The following NOD1 variants were observed in gnomAD, a reference collection of about 807,000 sequenced individuals.
The protein encoded by NOD1 is nucleotide binding oligomerization domain containing 1.
Under a neutral mutation model 81.2 loss-of-function variants are expected in NOD1, and 70 were observed. That is an observed-to-expected ratio of 0.86 (90% CI 0.71 to 1.05). The LOEUF (loss-of-function observed/expected upper bound fraction) is 1.05, where lower values mean the gene tolerates loss of function less well. Ranked by LOEUF, NOD1 falls within the 50% of genes least tolerant of loss-of-function variation. The pLI is 0.00. For synonymous variants in NOD1, 508 were observed against 526.9 expected, an observed-to-expected ratio of 0.96 and a Z score of 0.49; for missense variants, 1,233 against 1,228.0, an observed-to-expected ratio of 1.00 and a Z score of -0.06.
rs533109827 is a variant in NOD1 at position 30,459,647 on chromosome 7, G to A, written c.-211+254C>T. On this transcript the variant is annotated intron_variant, in intron 2 of 13. Coordinates refer to ENST00000222823, the MANE Select transcript of NOD1 (RefSeq NM_006092.4). ...GTCCTGCTGCCTGGAAAGGCTCCAG[G>A]GTTGGGGCCTGTTTTCTCTCGGAAG... Among the ~76,000 whole-genome samples the A allele has an allele frequency of 3.9e-5, 6 of 152,322 alleles. No individual in the cohort carries two copies. The East Asian group carries it at 1.2e-3, about 29-fold the overall frequency.
At chr7:30,449,520 G>A (rs892895722) in intron 6 of NOD1, among the ~76,000 whole-genome samples, 4 of 152,076 alleles carry the variant, frequency 2.6e-5, no homozygotes, top group Admixed American at 6.6e-5. Flanking sequence ...CTAGAGTGTC[G>A]ACTAGATGGC....
chr7:30,454,771 T>C (rs1222843584), intron 5 of NOD1, among the ~76,000 whole-genome samples: 1 of 152,130 alleles, frequency 6.6e-6, no homozygotes, highest in African/African-American at 2.4e-5. Flanking sequence ...TAGCTGGAAC[T>C]ACAGGTGTGT....
At chr7:30,448,069 C>G (rs1482557313) in intron 7 of NOD1, 1 of 544,030 alleles carries the variant, frequency 1.8e-6, no homozygotes, top group Non-Finnish European at 3.3e-6. Context: ...TGTAAGCCTA[C>G]TTGCCTATAC....
chr7:30,437,613 C>A lies in NOD1; in HGVS notation c.2497G>T (p.Ala833Ser). 1 of 1,511,296 alleles carries A rather than the reference C, an allele frequency of 6.6e-7. No homozygotes were observed. The highest frequency in any genetic ancestry group is 8.8e-7 in the Non-Finnish European group (1 of 1,142,396). The allele number at this position is 1,511,296 out of a possible 1,614,324, so 93.6% of individuals were successfully genotyped here. ...CTGGGGTGGTTCCGCAGAGCCTCTG[C>A]GAAGGCTTTTGCTCCTTCATCCCCA... ...QVGDEGAKAF[A>S]EALRNHPSLT... is the part of the protein sequence containing the mutation. The change falls in exon 10 of 14, where the codon GCA becomes TCA. Residue 833 changes from alanine (A) to serine (S), a missense_variant. Physicochemically the swap from Ala to Ser is moderately conservative, Grantham distance 99 (BLOSUM62 1). Coordinates refer to ENST00000222823, the MANE Select transcript of NOD1 (RefSeq NM_006092.4).
rs370080093 is a variant in NOD1 at position 30,452,052 on chromosome 7, G to A, written c.1365C>T (p.Ala455=). The part of the protein sequence containing the change: ...NTRSPVETLH[A]GRDTLCSLGQ... The stretch of plus-strand genomic sequence containing the variant: ...CCAGCGAGCACAGAGTGTCCCGGCC[G>A]GCGTGGAGGGTCTCCACTGGGCTGC... The change falls in exon 6 of 14, where the codon GCC becomes GCT. Residue 455 remains alanine (A), a synonymous_variant. Coordinates refer to ENST00000222823, the MANE Select transcript of NOD1 (RefSeq NM_006092.4). The A allele has an allele frequency of 3.4e-5, 55 of 1,613,390 alleles. 1 individual carries two copies. Among genetic ancestry groups the A allele is most frequent in the Admixed American group, 3.0e-4 (18 of 60,012 alleles).
intron 1 of NOD1, among the ~76,000 whole-genome samples, chr7:30,477,370 T>C (rs1788888488): frequency 6.6e-6 from 1 of 152,210 alleles, no homozygotes; most frequent in Non-Finnish European, 1.5e-5. Flanking sequence ...GAACAGGGAA[T>C]CCACTCCTCT....
At chr7:30,472,088 T>C (rs1165514670) in intron 1 of NOD1, among the ~76,000 whole-genome samples, 2 of 152,240 alleles carry the variant, frequency 1.3e-5, no homozygotes, top group African/African-American at 4.8e-5. Context: ...TCTGAATAAA[T>C]AGAAGTGACT....
chr7:30,449,044 T>TC (rs1310040365), intron 6 of NOD1, among the ~76,000 whole-genome samples: 1 of 152,216 alleles, frequency 6.6e-6, no homozygotes, highest in Non-Finnish European at 1.5e-5. Context: ...TCACAGCTAC[T>TC]CAACTGTGTA....
Position 30,452,780 on chromosome 7 carries a change from G to A in NOD1, c.637C>T (p.Gln213Ter), listed in dbSNP as rs777433724. The change falls in exon 6 of 14, where the codon CAG (glutamine) becomes TAG (stop). Residue 213 changes from glutamine to a stop codon, truncating the protein, a stop_gained. Coordinates refer to ENST00000222823, the MANE Select transcript of NOD1 (RefSeq NM_006092.4). LOFTEE classifies it high-confidence loss of function. ...DAGVGKSMLLQRLQSLWATGR... is the reference protein window; with the variant it reads ...DAGVGKSMLL The stretch of plus-strand genomic sequence containing the variant: ...GTGGCCCAGAGGCTCTGCAGCCGCT[G>A]TAGCAGCATGGACTTGCCCACCCCA... 1.2e-6 allele frequency: 2 copies of A among 1,614,150 alleles called. No homozygotes were observed. The highest frequency in any genetic ancestry group is 2.2e-5 in the East Asian group (1 of 44,888).
chr7:30,433,545 C>T (rs1784131178), intron 11 of NOD1: 1 of 260,508 alleles, frequency 3.8e-6, no homozygotes, highest in Non-Finnish European at 7.4e-6. Context: ...CCCTTGAACA[C>T]CACTGACAGT....
At chr7:30,433,280 T>C (rs1784101770) in intron 11 of NOD1, 101 bp from the exon 12 acceptor site, 8 of 849,014 alleles carry the variant, frequency 9.4e-6, no homozygotes, top group African/African-American at 1.7e-5. Context: ...TCTCCAGCTA[T>C]GCAGATGATC....
At chr7:30,465,899 C>T (rs1787644190) in intron 1 of NOD1, among the ~76,000 whole-genome samples, 1 of 152,210 alleles carries the variant, frequency 6.6e-6, no homozygotes, top group Non-Finnish European at 1.5e-5. Flanking sequence ...GTAACAAATA[C>T]AAGCATAAGC....
chr7:30,461,833 G>A (rs997376753), intron 1 of NOD1, among the ~76,000 whole-genome samples: 1 of 152,166 alleles, frequency 6.6e-6, no homozygotes, highest in Non-Finnish European at 1.5e-5. Context: ...CCGCCTCCCG[G>A]GTTCACGCCA....
chr7:30,450,890 T>C (rs1162372731), intron 6 of NOD1, among the ~76,000 whole-genome samples: 1 of 152,238 alleles, frequency 6.6e-6, no homozygotes, highest in East Asian at 1.9e-4. Flanking sequence ...GTAATATTTG[T>C]AATGCACTTC....
At chr7:30,431,282 A>C (rs1270527005) in intron 12 of NOD1, among the ~76,000 whole-genome samples, 3 of 152,388 alleles carry the variant, frequency 2.0e-5, no homozygotes, top group African/African-American at 7.2e-5. Flanking sequence ...AGCAGAGTCT[A>C]GTCTTTTTGC....
chr7:30,461,247 G>A (rs1332528688), intron 1 of NOD1, among the ~76,000 whole-genome samples: 7 of 152,180 alleles, frequency 4.6e-5, no homozygotes, highest in East Asian at 3.9e-4. Context: ...GCGCAATCTC[G>A]GCTCACTGCA....
At chr7:30,456,279 C>T (rs931440749) in intron 4 of NOD1, among the ~76,000 whole-genome samples, 4 of 152,140 alleles carry the variant, frequency 2.6e-5, no homozygotes, top group Admixed American at 6.5e-5. Context: ...CACAGTGGAG[C>T]GGGGAAGATT....
At chr7:30,436,150 G>C in intron 10 of NOD1, 69 bp from the exon 11 acceptor site, 3 of 1,244,662 alleles carry the variant, frequency 2.4e-6, no homozygotes, top group African/African-American at 2.9e-5. Flanking sequence ...TTCAACATCA[G>C]AACAGCTGGG....
intron 13 of NOD1, among the ~76,000 whole-genome samples, chr7:30,429,027 T>A (rs980680712): frequency 6.6e-6 from 1 of 152,168 alleles, no homozygotes; most frequent in Non-Finnish European, 1.5e-5. Context: ...CATCTCTCAA[T>A]TGCTGAGTCC....
Sources: allele counts gnomAD v4.1 joint callset (sites outside exome capture counted in the v4.1 genomes callset), GRCh38; gene constraint gnomAD v4.1.1; transcripts MANE v1.5; gene names NCBI Gene and HGNC (gene_info 2026-07-23, HGNC 2026-07-21).